CNDP2: variants seen among roughly 807,000 people sequenced by gnomAD.
CNDP2 encodes the protein carnosine dipeptidase 2.
In CNDP2, 38 loss-of-function variants were observed where a neutral mutation model predicts 55.0. The ratio of observed to expected loss-of-function variants is 0.69; its 90% confidence interval spans 0.53 to 0.90. The LOEUF is 0.90. CNDP2 is among the 40% of genes least tolerant of loss of function. The pLI is 0.00. For synonymous variants in CNDP2, 241 were observed against 260.2 expected, an observed-to-expected ratio of 0.93 and a Z score of 0.71; for missense variants, 607 against 621.7, an observed-to-expected ratio of 0.98 and a Z score of 0.25.
chr18:74,519,958 C>G (rs368227181), intron 11 of CNDP2, 41 bp from the exon 12 acceptor site: 3 of 1,580,666 alleles, frequency 1.9e-6, no homozygotes, highest in Admixed American at 3.4e-5. Context: ...GGTGTTGGCT[C>G]ACGACACCAG....
chr18:74,511,146 A>G (rs1460577832), intron 6 of CNDP2, 133 bp downstream of exon 6: 3 of 709,376 alleles, frequency 4.2e-6, no homozygotes, highest in South Asian at 1.9e-5. Context: ...TAGTGCCCCA[A>G]TTCCCAGCTT....
chr18:74,514,173 G>T (rs1400567638), intron 8 of CNDP2, among the ~76,000 whole-genome samples: 3 of 151,776 alleles, frequency 2.0e-5, no homozygotes, highest in Non-Finnish European at 4.4e-5. Flanking sequence ...AGGCTGTAGG[G>T]TTATGCGGTA....
chr18:74,508,852 G>C lies in CNDP2; in HGVS notation c.380G>C (p.Gly127Ala). The C allele has an allele frequency of 1.2e-6, 2 of 1,614,032 alleles. No individual in the cohort carries two copies. The highest frequency in any genetic ancestry group is 8.5e-7 in the Non-Finnish European group (1 of 1,179,936). The part of the protein sequence containing the change: ...TLVERDGKLY[G>A]RGSTDDKGPV... ...ATTGCTGTTCTAGGCAAGCTGTATG[G>C]GAGAGGTTCGACTGATGATAAGGGC... is the stretch of plus-strand genomic sequence containing the variant. Residue 127 changes from glycine (G) to alanine (A), a missense_variant, in exon 5 of 12, where the codon GGG becomes GCG. By Grantham distance (60) the Gly-to-Ala change is moderately conservative (BLOSUM62 0). Transcript: ENST00000324262.
chr18:74,496,773 G>T (rs1341164775), intron 1 of CNDP2, among the ~76,000 whole-genome samples: 3 of 152,196 alleles, frequency 2.0e-5, no homozygotes, highest in Admixed American at 2.0e-4. Context: ...GGAACGACCC[G>T]GGTTGGAGAT....
intron 1 of CNDP2, among the ~76,000 whole-genome samples, chr18:74,498,564 T>G (rs1978526504): frequency 6.6e-6 from 1 of 152,204 alleles, no homozygotes; most frequent in African/African-American, 2.4e-5. Context: ...TTTGTGGCAT[T>G]TAATAACCAG....
At chr18:74,517,379 C>T (rs1979739997) in intron 9 of CNDP2, 1 of 152,184 alleles carries the variant, frequency 6.6e-6, no homozygotes, top group Non-Finnish European at 1.5e-5. Context: ...CAGCCCGCAG[C>T]TCATCTGCAG....
At chr18:74,499,457 C>T (rs1439258588) in intron 1 of CNDP2, 1 of 153,166 alleles carries the variant, frequency 6.5e-6, no homozygotes, top group East Asian at 1.9e-4. Flanking sequence ...TCTGGTTTTC[C>T]TTGGGCTCTG....
Position 74,519,058 on chromosome 18 carries a change from G to A in CNDP2, c.1320G>A (p.Ala440=), listed in dbSNP as rs771116006. ...TCATGCTGCTGCCTGTGGGGTCAGC[G>A]GATGACGGAGCCCACTCCCAGAATG... ...KNVMLLPVGS[A]DDGAHSQNEK... The change falls in exon 11 of 12, where the codon GCG becomes GCA. Residue 440 remains alanine, a synonymous_variant. Coordinates refer to ENST00000324262, the MANE Select transcript of CNDP2 (RefSeq NM_018235.3). The A allele has an allele frequency of 4.0e-5, 64 of 1,612,580 alleles. No individual in the cohort carries two copies. Among genetic ancestry groups the A allele is most frequent in the Admixed American group, 1.5e-4 (9 of 59,968 alleles).
intron 7 of CNDP2, 36 bp downstream of exon 7, chr18:74,512,568 G>C (rs1178845293): frequency 6.4e-7 from 1 of 1,572,374 alleles, no homozygotes; most frequent in South Asian, 1.1e-5. Flanking sequence ...GCAGTTGAGG[G>C]GAAGTGGATG....
At chr18:74,506,476 CA>C (rs1310860070) in intron 4 of CNDP2, among the ~76,000 whole-genome samples, 2 of 152,298 alleles carry the variant, frequency 1.3e-5, no homozygotes, top group East Asian at 3.9e-4. Context: ...AGGTTTCTTA[CA>C]GGTGCCTCTG....
rs1978300173 is a variant in CNDP2, at chr18:74,522,501, A to T, written c.*2433A>T. On this transcript the variant is annotated 3_prime_UTR_variant, in exon 12 of 12. Transcript: ENST00000324262. ...AAACTCGTGTTGAAACTTAATAGCC[A>T]TTGTAACAGTATTAAGAGGCAGGGC... The T allele has an allele frequency of 6.6e-5, 10 of 152,264 alleles. No homozygotes were observed. Among genetic ancestry groups the T allele is most frequent in the Admixed American group, 6.5e-4 (10 of 15,284 alleles). The allele number at this position is 152,264 out of a possible 1,614,324, so 9.4% of individuals were successfully genotyped here.
intron 11 of CNDP2, 66 bp downstream of exon 11, chr18:74,519,162 T>TC (rs1229213162): frequency 5.3e-6 from 8 of 1,504,410 alleles, no homozygotes; most frequent in Non-Finnish European, 6.2e-6. Context: ...CCCTTCCCCT[T>TC]CCCCCCGTGT....
rs999518691 is a variant in CNDP2 at position 74,522,445 on chromosome 18, G to A, written c.*2377G>A. The stretch of plus-strand genomic sequence containing the variant: ...CGTTAGTCAGGAACCCATGCTGAGA[G>A]GTGCTATGCTTTGAATGTTTGGCTC... On this transcript the variant is annotated 3_prime_UTR_variant, in exon 12 of 12. Transcript: ENST00000324262. 1.3e-5 allele frequency: 2 copies of A among 152,282 alleles called. No homozygotes were observed. The highest frequency in any genetic ancestry group is 4.8e-5 in the African/African-American group (2 of 41,456). The allele number at this position is 152,282 out of a possible 1,614,324, so 9.4% of individuals were successfully genotyped here.
chr18:74,501,108 A>G, intron 2 of CNDP2: 1 of 976,628 alleles, frequency 1.0e-6, no homozygotes. Flanking sequence ...ACAGGTACTG[A>G]GTGTAAAACA....
chr18:74,502,702 C>G (rs967843281), intron 3 of CNDP2, among the ~76,000 whole-genome samples: 1 of 152,136 alleles, frequency 6.6e-6, no homozygotes, highest in Admixed American at 6.5e-5. Context: ...ATTCTTTGAT[C>G]TAATGATAAG....
intron 1 of CNDP2, among the ~76,000 whole-genome samples, chr18:74,497,081 A>G (rs1978456312): frequency 6.6e-6 from 1 of 152,166 alleles, no homozygotes; most frequent in Non-Finnish European, 1.5e-5. Context: ...TCTGTGAAAT[A>G]GAGACAATAT....
chr18:74,510,868 A>G lies in CNDP2; in HGVS notation c.512A>G (p.Glu171Gly). ...GAAGGCATGGAGGAGTCAGGCTCTG[A>G]GGGCCTAGACGAGCTGATTTTTGCC... ...CLEGMEESGS[E>G]GLDELIFARK... Residue 171 changes from glutamate to glycine, a missense_variant, in exon 6 of 12, where the codon GAG (glutamate) becomes GGG (glycine). Coordinates refer to ENST00000324262, the MANE Select transcript of CNDP2 (RefSeq NM_018235.3). The G allele has an allele frequency of 6.2e-7, 1 of 1,614,200 alleles. No individual in the cohort carries two copies. Among genetic ancestry groups the G allele is most frequent in the Non-Finnish European group, 8.5e-7 (1 of 1,180,034 alleles).
At chr18:74,515,934 T>C (rs1979636588) in intron 8 of CNDP2, among the ~76,000 whole-genome samples, 1 of 152,238 alleles carries the variant, frequency 6.6e-6, no homozygotes, top group Non-Finnish European at 1.5e-5. Context: ...AGGTGCTCAG[T>C]GGCCAGCGTG....
intron 9 of CNDP2, chr18:74,517,420 A>T (rs886946878): frequency 1.3e-5 from 2 of 152,086 alleles, no homozygotes; most frequent in Non-Finnish European, 2.9e-5. Context: ...GCTGAATCAC[A>T]TCGCACCTGC....
Sources: gnomAD v4.1 joint callset for allele counts (sites outside exome capture counted in the v4.1 genomes callset) on GRCh38, gnomAD v4.1.1 for gene constraint, MANE v1.5 for transcripts, NCBI Gene and HGNC (gene_info 2026-07-23, HGNC 2026-07-21) for gene names.